Variants in CACNA1A observed in about 807,000 individuals in gnomAD.
CACNA1A encodes voltage-dependent P/Q-type calcium channel subunit alpha-1A.
Under a neutral mutation model 262.4 loss-of-function variants are expected in CACNA1A, and 57 were observed. The ratio of observed to expected loss-of-function variants is 0.22; its 90% CI spans 0.18 to 0.27. CACNA1A has a LOEUF of 0.27. Among genes scored for constraint, CACNA1A ranks in the 10% least tolerant of loss-of-function variants. The probability of loss-of-function intolerance (pLI) is 1.00; values close to 1 mark genes in which losing one functional copy is unlikely to be tolerated. For synonymous variants in CACNA1A, 1,431 were observed against 1,419.3 expected, an observed-to-expected ratio of 1.01 and a Z score of -0.18; for missense variants, 2,526 against 3,562.8, an observed-to-expected ratio of 0.71 and a Z score of 7.41.
intron 1 of CACNA1A, among the ~76,000 whole-genome samples, chr19:13,504,068 C>T (rs982856253): frequency 1.3e-5 from 2 of 152,066 alleles, no homozygotes; most frequent in South Asian, 4.1e-4. Flanking sequence ...CTCCAGAAGG[C>T]GATCTAAAGC....
chr19:13,439,098 T>G (rs1210613251), intron 3 of CACNA1A, among the ~76,000 whole-genome samples: 1 of 151,648 alleles, frequency 6.6e-6, no homozygotes. Context: ...AACAAACCAC[T>G]TGTCCTCAAA....
chr19:13,458,145 TTTC>T (rs895167554), intron 1 of CACNA1A, among the ~76,000 whole-genome samples: 2 of 152,094 alleles, frequency 1.3e-5, no homozygotes, highest in Non-Finnish European at 2.9e-5. Context: ...TCTCCTTTCT[TTTC>T]TTATTTATTT....
intron 6 of CACNA1A, among the ~76,000 whole-genome samples, chr19:13,349,027 A>AAAAAAAAG (rs541410353): frequency 7.3e-6 from 1 of 137,740 alleles, no homozygotes; most frequent in African/African-American, 3.1e-5. Flanking sequence ...AAAAAAAAAA[A>AAAAAAAAG]AGAGAGACAA....
chr19:13,227,335 C>G, intron 37 of CACNA1A, 96 bp downstream of exon 37: 1 of 538,360 alleles, frequency 1.9e-6, no homozygotes, highest in Admixed American at 3.0e-5. Flanking sequence ...AAAAGAGAGT[C>G]GGCCGGGTGT....
At chr19:13,314,973 T>G (rs571824963) in intron 11 of CACNA1A, among the ~76,000 whole-genome samples, 1 of 152,262 alleles carries the variant, frequency 6.6e-6, no homozygotes, top group Admixed American at 6.5e-5. Context: ...TTCTGAGATC[T>G]TGTTCCTCAG....
At chr19:13,323,601 G>T (rs1353810487) in intron 10 of CACNA1A, among the ~76,000 whole-genome samples, 1 of 152,026 alleles carries the variant, frequency 6.6e-6, no homozygotes, top group African/African-American at 2.4e-5. Flanking sequence ...AGCTGTCTTT[G>T]CCCATTTTTA....
chr19:13,344,736 T>TTTTATTTATTTA (rs5827191), intron 6 of CACNA1A, among the ~76,000 whole-genome samples: 1 of 136,218 alleles, frequency 7.3e-6, no homozygotes, highest in Non-Finnish European at 1.6e-5. Context: ...GGATCATTTA[T>TTTTATTTATTTA]TTTATTTATT....
chr19:13,399,684 T>C (rs1433769828), intron 3 of CACNA1A, among the ~76,000 whole-genome samples: 1 of 152,122 alleles, frequency 6.6e-6, no homozygotes, highest in Non-Finnish European at 1.5e-5. Flanking sequence ...CTCCTCACCA[T>C]GCCAAAAACA....
intron 1 of CACNA1A, among the ~76,000 whole-genome samples, chr19:13,469,748 C>G (rs2061318575): frequency 6.6e-6 from 1 of 151,540 alleles, no homozygotes; most frequent in African/African-American, 2.4e-5. Context: ...TGTGGGCCAC[C>G]GCGCCCGGCT....
At chr19:13,414,115 T>A (rs2060180709) in intron 3 of CACNA1A, among the ~76,000 whole-genome samples, 1 of 151,880 alleles carries the variant, frequency 6.6e-6, no homozygotes, top group Non-Finnish European at 1.5e-5. Flanking sequence ...TCCCAGCTAC[T>A]CAGGAGGCTG....
At chr19:13,238,608 G>T in intron 31 of CACNA1A, among the ~76,000 whole-genome samples, 1 of 45,328 alleles carries the variant, frequency 2.2e-5, no homozygotes, top group African/African-American at 8.2e-5. Flanking sequence ...TTTTTTTTAA[G>T]AGAGTCTCAC....
intron 37 of CACNA1A, chr19:13,227,226 G>A (rs1442533802): frequency 2.1e-5 from 7 of 337,792 alleles, no homozygotes; most frequent in African/African-American, 1.3e-4. Flanking sequence ...CAGAAAGGAC[G>A]GACACAGTGT....
chr19:13,250,822 A>C (rs2056376081), intron 30 of CACNA1A, among the ~76,000 whole-genome samples: 1 of 152,210 alleles, frequency 6.6e-6, no homozygotes, highest in Non-Finnish European at 1.5e-5. Context: ...ACCTTTTGTA[A>C]TAAAATAGCT....
chr19:13,362,071 G>A (rs1240384368), intron 5 of CACNA1A: 1 of 145,834 alleles, frequency 6.9e-6, no homozygotes, highest in African/African-American at 2.6e-5. Flanking sequence ...CACCCAGGCT[G>A]GAGTGCGGGC....
At chr19:13,228,971 T>C in intron 36 of CACNA1A, 1 of 402,114 alleles carries the variant, frequency 2.5e-6, no homozygotes, top group Non-Finnish European at 4.5e-6. Flanking sequence ...CCCAGGGGTG[T>C]AGGATGTCAG....
chr19:13,238,182 C>G (rs1157050745), intron 31 of CACNA1A, among the ~76,000 whole-genome samples: 1 of 152,118 alleles, frequency 6.6e-6, no homozygotes, highest in Non-Finnish European at 1.5e-5. Context: ...TTTCCACTGC[C>G]CCCAGAACTT....
intron 28 of CACNA1A, among the ~76,000 whole-genome samples, 174 bp from the exon 29 acceptor site, chr19:13,255,433 T>C (rs1018260559): frequency 8.6e-5 from 13 of 152,040 alleles, no homozygotes; most frequent in Non-Finnish European, 1.6e-4. Context: ...ATTGCTTTCT[T>C]ATCCCAACAG....
chr19:13,406,157 A>G (rs1407228744), intron 3 of CACNA1A, among the ~76,000 whole-genome samples: 2 of 151,768 alleles, frequency 1.3e-5, no homozygotes, highest in African/African-American at 4.8e-5. Flanking sequence ...CTCTATAAAA[A>G]AAGGTAATAT....
intron 6 of CACNA1A, among the ~76,000 whole-genome samples, chr19:13,344,739 T>A (rs10417509): frequency 0.03 from 262 of 8,654 alleles, no homozygotes; most frequent in East Asian, 0.21. Context: ...TCATTTATTT[T>A]ATTTATTTAT....
Sources: allele counts gnomAD v4.1 joint callset (sites outside exome capture counted in the v4.1 genomes callset), GRCh38; gene constraint gnomAD v4.1.1; transcripts MANE v1.5; gene names NCBI Gene and HGNC (gene_info 2026-07-23, HGNC 2026-07-21).